The following TANK variants were observed in gnomAD, a reference collection of about 807,000 sequenced individuals.
TANK encodes the protein TRAF family member associated NFKB activator.
Under a neutral mutation model 43.6 loss-of-function variants are expected in TANK, and 15 were observed. The observed-to-expected ratio is 0.34, with a 90% CI of 0.23 to 0.53. The LOEUF is 0.53. Ranked by LOEUF, TANK falls within the 20% of genes least tolerant of loss-of-function variation. The pLI is 0.94. For missense variants in TANK, 417 were observed against 498.6 expected, an observed-to-expected ratio of 0.84 and a Z score of 1.56; for synonymous variants, 162 against 178.2, an observed-to-expected ratio of 0.91 and a Z score of 0.73.
chr2:161,213,545 T>C (rs1686986455), intron 4 of TANK, among the ~76,000 whole-genome samples: 1 of 148,212 alleles, frequency 6.7e-6, no homozygotes, highest in African/African-American at 2.5e-5. Context: ...GGAGGTTGCA[T>C]GAGCCAAGAT....
intron 4 of TANK, among the ~76,000 whole-genome samples, chr2:161,220,525 C>T (rs1000281844): frequency 1.3e-5 from 2 of 152,074 alleles, no homozygotes; most frequent in Admixed American, 1.3e-4. Flanking sequence ...ATTGCTTGAA[C>T]CCAGGAGATG....
chr2:161,139,653 G>A lies in TANK; in HGVS notation c.-50+2590G>A, dbSNP rs577803678. Reference sequence around the variant, plus strand: ...CAAAATAAACCAACCAAACCTACACGTTTCCTCTTTTTCTCTCCAATCCAC... The same window carrying A: ...CAAAATAAACCAACCAAACCTACACATTTCCTCTTTTTCTCTCCAATCCAC... On this transcript the variant is annotated intron_variant, in intron 1 of 7. Coordinates refer to the TANK transcript ENST00000259075. 5.4e-5 allele frequency: 53 copies of A among 977,888 alleles called. No homozygotes were observed. In the African/African-American group the frequency reaches 7.2e-4, roughly 13 times the overall value. The allele number at this position is 977,888 out of a possible 1,614,324, so 60.6% of individuals were successfully genotyped here. A position where few individuals can be genotyped will look rare whatever the true frequency, so the allele number is the denominator to read the frequency against.
At chr2:161,181,280 C>A (rs989884783) in intron 2 of TANK, among the ~76,000 whole-genome samples, 6 of 152,080 alleles carry the variant, frequency 3.9e-5, no homozygotes, top group Non-Finnish European at 7.4e-5. Context: ...ATTAGCCAGG[C>A]ATGGTGGCAC....
At chr2:161,196,798 G>A (rs1252091205) in intron 2 of TANK, among the ~76,000 whole-genome samples, 2 of 152,206 alleles carry the variant, frequency 1.3e-5, no homozygotes, top group South Asian at 2.1e-4. Flanking sequence ...GGAGGTTGCA[G>A]TGAGCCTAGG....
At chr2:161,180,117 G>T in intron 2 of TANK, 2 of 998,740 alleles carry the variant, frequency 2.0e-6, no homozygotes, top group Non-Finnish European at 1.2e-6. Flanking sequence ...GTTTGGTTTT[G>T]GTGTTTTTTA....
chr2:161,180,621 T>C (rs1213306647), intron 2 of TANK, among the ~76,000 whole-genome samples: 1 of 152,204 alleles, frequency 6.6e-6, no homozygotes, highest in Non-Finnish European at 1.5e-5. Context: ...TCCTTTTTAT[T>C]ATGTTTACAT....
At chr2:161,189,999 A>G (rs1044649072) in intron 2 of TANK, among the ~76,000 whole-genome samples, 1 of 152,240 alleles carries the variant, frequency 6.6e-6, no homozygotes, top group Admixed American at 6.5e-5. Context: ...CGTCAAAATT[A>G]AAACTTTTGT....
Position 161,179,683 on chromosome 2 carries a change from G to A in TANK, c.21G>A (p.Glu7=), listed in dbSNP as rs766261050. The part of the protein sequence containing the change: MDKNIG[E]QLNKAYEAFR... ...GAGGAATGGATAAAAACATTGGCGA[G>A]CAACTCAATAAAGCGTATGAAGCCT... The change falls in exon 2 of 8, where the codon GAG becomes GAA. Residue 7 remains glutamate (E), a synonymous_variant. Transcript: ENST00000392749. The A allele has an allele frequency of 6.2e-7, 1 of 1,613,174 alleles. No individual in the cohort carries two copies. The highest frequency in any genetic ancestry group is 8.5e-7 in the Non-Finnish European group (1 of 1,179,468).
At chr2:161,179,291 T>C (rs1320489470) in intron 1 of TANK, among the ~76,000 whole-genome samples, 1 of 152,194 alleles carries the variant, frequency 6.6e-6, no homozygotes, top group Non-Finnish European at 1.5e-5. Context: ...GATCCTATTG[T>C]ACATTTCCAT....
At chr2:161,215,916 C>T (rs1362019532) in intron 4 of TANK, among the ~76,000 whole-genome samples, 1 of 152,082 alleles carries the variant, frequency 6.6e-6, no homozygotes, top group African/African-American at 2.4e-5. Context: ...ATGCTCTAAG[C>T]TATATATCTT....
At position 161,160,468 on chromosome 2, in the gene TANK, A is replaced by G. The variant is rs1431662096; in HGVS notation, c.-68A>G. ...GGCGACCTGAGGGGAGAGGGAACGCAGCTGAAAGCGTGAACTGTGTGAGTA... is the reference window on the plus strand; with the variant it reads ...GGCGACCTGAGGGGAGAGGGAACGCGGCTGAAAGCGTGAACTGTGTGAGTA... On this transcript the variant is annotated 5_prime_UTR_variant, in exon 1 of 8. Transcript: ENST00000392749. 3 of 1,238,734 alleles carry G rather than the reference A, an allele frequency of 2.4e-6. No individual in the cohort carries two copies. Among genetic ancestry groups the G allele is most frequent in the East Asian group, 6.3e-5 (2 of 31,922 alleles). The allele number at this position is 1,238,734 out of a possible 1,614,324, so 76.7% of individuals were successfully genotyped here. A position where few individuals can be genotyped will look rare whatever the true frequency, so the allele number is the denominator to read the frequency against.
intron 1 of TANK, among the ~76,000 whole-genome samples, chr2:161,141,515 T>C (rs1482582790): frequency 6.6e-6 from 1 of 152,116 alleles, no homozygotes; most frequent in East Asian, 1.9e-4. Flanking sequence ...CCAATGTATG[T>C]TGTTCCCCTC....
At chr2:161,201,772 G>A (rs906663974) in intron 2 of TANK, among the ~76,000 whole-genome samples, 1 of 152,100 alleles carries the variant, frequency 6.6e-6, no homozygotes, top group African/African-American at 2.4e-5. Flanking sequence ...TGTTTCTAGG[G>A]GGTTGGGTGT....
upstream of TANK, among the ~76,000 whole-genome samples, chr2:161,159,718 A>T (rs574301463): frequency 6.6e-6 from 1 of 152,322 alleles, no homozygotes; most frequent in East Asian, 1.9e-4. Context: ...AAGGGAAAAG[A>T]TATCTTTCTT....
At chr2:161,175,992 C>G (rs1026654221) in intron 1 of TANK, among the ~76,000 whole-genome samples, 1 of 152,008 alleles carries the variant, frequency 6.6e-6, no homozygotes. Context: ...AAACCAAATC[C>G]AGAAATAAAG....
intron 1 of TANK, among the ~76,000 whole-genome samples, chr2:161,144,325 T>C (rs1683840922): frequency 2.0e-5 from 3 of 152,194 alleles, no homozygotes; most frequent in African/African-American, 7.2e-5. Context: ...TGTTCTGAAC[T>C]TAGTTATTTC....
At chr2:161,170,157 G>T (rs1232268784) in intron 1 of TANK, among the ~76,000 whole-genome samples, 1 of 152,166 alleles carries the variant, frequency 6.6e-6, no homozygotes, top group African/African-American at 2.4e-5. Flanking sequence ...ATAGAATTAA[G>T]ATGATTAGAG....
At chr2:161,209,872 T>C (rs937814880) in intron 4 of TANK, among the ~76,000 whole-genome samples, 3 of 152,252 alleles carry the variant, frequency 2.0e-5, no homozygotes, top group Non-Finnish European at 2.9e-5. Flanking sequence ...ATTAACATTA[T>C]TGAATGTTGA....
At chr2:161,149,147 A>T (rs943217095) in intron 1 of TANK, among the ~76,000 whole-genome samples, 1 of 152,164 alleles carries the variant, frequency 6.6e-6, no homozygotes, top group Non-Finnish European at 1.5e-5. Flanking sequence ...CTACTTACTT[A>T]GGTATTCTAT....
Sources: allele counts gnomAD v4.1 joint callset (sites outside exome capture counted in the v4.1 genomes callset), GRCh38; gene constraint gnomAD v4.1.1; transcripts MANE v1.5; gene names NCBI Gene and HGNC (gene_info 2026-07-23, HGNC 2026-07-21).